The following DMXL1 variants were observed in gnomAD, a reference collection of about 807,000 sequenced individuals.
DMXL1 encodes the protein dmX-like protein 1.
In DMXL1, 99 loss-of-function variants were observed where a neutral mutation model predicts 319.2. The observed-to-expected ratio is 0.31, with a 90% CI of 0.26 to 0.37. The LOEUF (loss-of-function observed/expected upper bound fraction) is 0.37, where lower values mean the gene tolerates loss of function less well. Ranked by LOEUF, DMXL1 falls within the 10% of genes least tolerant of loss-of-function variation. DMXL1 has a pLI of 1.00. For missense variants in DMXL1, 3,745 were observed against 3,595.6 expected (o/e 1.04, Z -1.06); for synonymous variants, 1,385 against 1,235.2 (o/e 1.12, Z -2.54).
chr5:119,177,979 T>G lies in DMXL1; in HGVS notation c.6887-17T>G. 2 of 1,575,976 alleles carry G rather than the reference T, an allele frequency of 1.3e-6. No individual in the cohort carries two copies. Among genetic ancestry groups the G allele is most frequent in the Admixed American group, 3.6e-5 (2 of 56,172 alleles). On this transcript the variant is annotated splice_polypyrimidine_tract_variant and intron_variant, in intron 27 of 43. Transcript: ENST00000539542. Reference sequence around the variant, plus strand: ...AAATTTATAGTCAGTGACAGCTATGTTTGTTTGTCGTTCTAGGAATAACTT... The same window carrying G: ...AAATTTATAGTCAGTGACAGCTATGGTTGTTTGTCGTTCTAGGAATAACTT...
Position 119,170,247 on chromosome 5 carries a change from C to A in DMXL1, c.5456C>A (p.Thr1819Lys), listed in dbSNP as rs1774279236. The A allele has an allele frequency of 6.2e-7, 1 of 1,612,962 alleles. No homozygotes were observed. Among genetic ancestry groups the A allele is most frequent in the African/African-American group, 1.3e-5 (1 of 74,982 alleles). Residue 1819 changes from threonine (T) to lysine (K), a missense_variant, in exon 24 of 44, where the codon ACA (threonine) becomes AAA (lysine). Physicochemically the swap from Thr to Lys is moderately conservative, Grantham distance 78. Around this residue, in one of 4 missense-constraint regions of DMXL1, gnomAD observed 1,382 missense variants for 1,269.5 expected, o/e 1.09. Coordinates refer to ENST00000539542, the MANE Select transcript of DMXL1 (RefSeq NM_001290321.3). Reference protein sequence around the residue: ...TVFNFYNYLRTHPLLLRRHFG... With the variant: ...TVFNFYNYLRKHPLLLRRHFG... ...TTTAATTTCTACAATTATCTAAGAA[C>A]ACATCCTCTTTTGCTGAGACGTCAT...
chr5:119,197,948 T>C lies in DMXL1; in HGVS notation c.7737T>C (p.Thr2579=). The stretch of plus-strand genomic sequence containing the variant: ...AAGCTTTACTGGAACCTACAAACAC[T>C]CCTTTCAAGTAGGTTTTCTTATGAA... ...RHKALLEPTN[T]PFKSKHHLAL... Residue 2579 remains threonine, a synonymous_variant, in exon 32 of 44, where the codon ACT becomes ACC. Coordinates refer to ENST00000539542, the MANE Select transcript of DMXL1 (RefSeq NM_001290321.3). 1 of 1,614,064 alleles carries C rather than the reference T, an allele frequency of 6.2e-7. No homozygotes were observed. Among genetic ancestry groups the C allele is most frequent in the Non-Finnish European group, 8.5e-7 (1 of 1,179,944 alleles).
intron 28 of DMXL1, among the ~76,000 whole-genome samples, chr5:119,179,296 A>T (rs1373108285): frequency 7.8e-6 from 1 of 128,626 alleles, no homozygotes; most frequent in Non-Finnish European, 1.7e-5. Context: ...GAAAATGTTA[A>T]ATGTTTTTCC....
At chr5:119,205,257 CA>C (rs1781547078) in intron 33 of DMXL1, among the ~76,000 whole-genome samples, 1 of 151,618 alleles carries the variant, frequency 6.6e-6, no homozygotes, top group Non-Finnish European at 1.5e-5. Context: ...GAAAACAATA[CA>C]AAAAAACTAT....
chr5:119,237,447 T>C (rs989187675), intron 40 of DMXL1, 33 bp downstream of exon 40: 6 of 1,369,934 alleles, frequency 4.4e-6, no homozygotes, highest in Admixed American at 3.6e-5. Flanking sequence ...TAAATAAAAT[T>C]TGAATTTTCA....
intron 1 of DMXL1, among the ~76,000 whole-genome samples, chr5:119,096,295 G>T (rs762259715): frequency 2.6e-5 from 4 of 151,600 alleles, no homozygotes; most frequent in Admixed American, 6.6e-5. Flanking sequence ...TCCTGCCTCA[G>T]CCTCCCAAGT....
chr5:119,178,087 G>A lies in DMXL1; in HGVS notation c.6978G>A (p.Val2326=). 2 of 1,613,994 alleles carry A rather than the reference G, an allele frequency of 1.2e-6. No individual in the cohort carries two copies. The highest frequency in any genetic ancestry group is 2.2e-5 in the East Asian group (1 of 44,886). Residue 2326 remains valine (V), a synonymous_variant, in exon 28 of 44, where the codon GTG becomes GTA. Transcript: ENST00000539542. ...TVLLCEILTA[V]YLSLFIHGLA... The stretch of plus-strand genomic sequence containing the variant: ...TGCTCTGTGAGATTCTCACAGCAGT[G>A]TATCTTAGTCTCTTCATCCATGGCC...
At chr5:119,202,925 A>C (rs1204556003) in intron 32 of DMXL1, among the ~76,000 whole-genome samples, 1 of 146,546 alleles carries the variant, frequency 6.8e-6, no homozygotes, top group Non-Finnish European at 1.5e-5. Context: ...TTTTATATAT[A>C]TATAATTTCT....
intron 25 of DMXL1, among the ~76,000 whole-genome samples, chr5:119,173,776 G>GTTTATATATATATATATATATA: frequency 1.5e-5 from 1 of 67,170 alleles, no homozygotes; most frequent in Non-Finnish European, 2.9e-5. Context: ...ATGTGTGTGT[G>GTTTATATATATATATATATATA]TATATATATA....
At chr5:119,142,693 C>T (rs887967111) in intron 13 of DMXL1, among the ~76,000 whole-genome samples, 3 of 151,880 alleles carry the variant, frequency 2.0e-5, no homozygotes, top group Admixed American at 2.0e-4. Flanking sequence ...TGGCTATGTA[C>T]CTAGAGGAGT....
At chr5:119,094,139 A>G (rs753551465) in intron 1 of DMXL1, among the ~76,000 whole-genome samples, 14 of 152,238 alleles carry the variant, frequency 9.2e-5, no homozygotes, top group Non-Finnish European at 2.9e-5. Context: ...AAGCAGATGA[A>G]ACAGCCTTCT....
intron 36 of DMXL1, 105 bp downstream of exon 36, chr5:119,220,698 A>C: frequency 7.1e-7 from 1 of 1,399,550 alleles, no homozygotes; most frequent in Non-Finnish European, 9.7e-7. Context: ...ATAGATTGTA[A>C]GCAGAGTAGA....
chr5:119,090,383 A>G (rs1330386696), intron 1 of DMXL1, among the ~76,000 whole-genome samples: 8 of 151,398 alleles, frequency 5.3e-5, no homozygotes, highest in African/African-American at 1.9e-4. Context: ...GTCTACCTGG[A>G]TATTTATGTC....
intron 18 of DMXL1, among the ~76,000 whole-genome samples, chr5:119,151,370 AT>A (rs760794098): frequency 3.3e-5 from 5 of 152,338 alleles, no homozygotes; most frequent in South Asian, 4.1e-4. Flanking sequence ...TATAGGGTAA[AT>A]TTAATATAAT....
rs549834293 is a variant in DMXL1 at position 119,115,538 on chromosome 5, T to A, written c.565-620T>A. On this transcript the variant is annotated intron_variant, in intron 6 of 43. Transcript: ENST00000539542. ...CTCTAAAACCACAGTAAGGTTTTTG[T>A]TTTTTAGGAGAGAAGTTGAGCTGTT... 1.1e-4 allele frequency among the ~76,000 whole-genome samples: 17 copies of A among 152,252 alleles called. No individual in the cohort carries two copies. In the South Asian group the frequency reaches 2.7e-3, roughly 24 times the overall value.
chr5:119,220,706 A>G lies in DMXL1; in HGVS notation c.8135+113A>G, dbSNP rs1009948680. The G allele has an allele frequency of 3.3e-5, 45 of 1,354,046 alleles. No homozygotes were observed. In the Middle Eastern group the frequency reaches 6.1e-4, roughly 18 times the overall value. 83.9% of individuals were successfully genotyped at this position (1,354,046 alleles called of 1,614,324 possible). A position where few individuals can be genotyped will look rare whatever the true frequency, so the allele number is the denominator to read the frequency against. ...GCAATGTATAGATTGTAAGCAGAGT[A>G]GAAGCTGATGTGCTAAATGAGGGGT... On this transcript the variant is annotated intron_variant, in intron 36 of 43. Transcript: ENST00000539542.
intron 39 of DMXL1, among the ~76,000 whole-genome samples, chr5:119,235,806 T>G (rs1448549879): frequency 6.6e-6 from 1 of 152,062 alleles, no homozygotes; most frequent in Non-Finnish European, 1.5e-5. Flanking sequence ...TCCACAGAAT[T>G]CTGATGGACA....
At chr5:119,201,131 T>G (rs1780633027) in intron 32 of DMXL1, among the ~76,000 whole-genome samples, 1 of 152,198 alleles carries the variant, frequency 6.6e-6, no homozygotes, top group African/African-American at 2.4e-5. Context: ...AGACAAAGCA[T>G]CCTTGTCTTG....
At position 119,149,651 on chromosome 5, in the gene DMXL1, T is replaced by C; in HGVS notation, c.3824T>C (p.Leu1275Ser). 6.2e-7 allele frequency: 1 copy of C among 1,613,980 alleles called. No homozygotes were observed. The highest frequency in any genetic ancestry group is 8.5e-7 in the Non-Finnish European group (1 of 1,179,928). ...LIKQSNSSSG[L>S]HPPKKTLTRS... ...AAACAGAGTAACTCCAGTTCTGGGT[T>C]ACATCCTCCAAAGAAAACTCTGACT... Residue 1275 changes from leucine (L) to serine (S), a missense_variant, in exon 18 of 44, where the codon TTA becomes TCA. Physicochemically the swap from Leu to Ser is moderately radical, Grantham distance 145. This residue lies in a region of DMXL1 where 2,096 missense variants were observed against 1,985.4 expected (regional missense o/e 1.06). Transcript: ENST00000539542.
Sources: gnomAD v4.1 joint callset for allele counts (sites outside exome capture counted in the v4.1 genomes callset) on GRCh38, gnomAD v4.1.1 for gene constraint, gnomAD v4.1.1 regional missense constraint, MANE v1.5 for transcripts, NCBI Gene and HGNC (gene_info 2026-07-23, HGNC 2026-07-21) for gene names.